ARFGEF3: variants seen among roughly 807,000 people sequenced by gnomAD.
The protein encoded by ARFGEF3 is ARFGEF family member 3, also known as brefeldin A-inhibited guanine nucleotide-exchange protein 3.
A neutral mutation model predicts 221.7 loss-of-function variants in ARFGEF3; 96 were observed. The ratio of observed to expected loss-of-function variants is 0.43; its 90% CI spans 0.37 to 0.51. ARFGEF3 has a LOEUF of 0.51. ARFGEF3 is among the 20% of genes least tolerant of loss of function. The pLI is 0.00. For missense variants in ARFGEF3, 2,410 were observed against 2,789.9 expected (o/e 0.86, Z 3.07); for synonymous variants, 1,145 against 1,126.8 (o/e 1.02, Z -0.32).
intron 2 of ARFGEF3, among the ~76,000 whole-genome samples, chr6:138,182,936 A>G (rs180890491): frequency 1.3e-5 from 2 of 152,346 alleles, no homozygotes; most frequent in East Asian, 1.9e-4. Flanking sequence ...GAATTGTTCT[A>G]TGTAAAATAA....
chr6:138,305,258 A>G lies in ARFGEF3; in HGVS notation c.3829-1995A>G, dbSNP rs189123932. On this transcript the variant is annotated intron_variant, in intron 22 of 33. Transcript: ENST00000251691. ...GTGATACCAAAGTCTCAAGAAGGAA[A>G]ACTATAGACCAATATTCTTTATGAA... is the stretch of plus-strand genomic sequence containing the variant. Among the ~76,000 whole-genome samples the G allele has an allele frequency of 2.3e-3, 347 of 152,038 alleles. 1 individual carries two copies. Among genetic ancestry groups the G allele is most frequent in the Non-Finnish European group, 1.5e-3 (101 of 67,992 alleles).
Position 138,334,797 on chromosome 6 carries a change from G to A in ARFGEF3, c.5951G>A (p.Gly1984Glu). 1 of 1,605,034 alleles carries A rather than the reference G, an allele frequency of 6.2e-7. No individual in the cohort carries two copies. Among genetic ancestry groups the A allele is most frequent in the East Asian group, 2.3e-5 (1 of 44,372 alleles). Reference sequence around the variant, plus strand: ...TCCCTGAGCCTGAAGGCCGGTGGTGGGGACCTGCTGCTGCCCCCCAGCCCC... The same window carrying A: ...TCCCTGAGCCTGAAGGCCGGTGGTGAGGACCTGCTGCTGCCCCCCAGCCCC... Reference protein sequence around the residue: ...GESLSLKAGGGDLLLPPSPKV... With the variant: ...GESLSLKAGGEDLLLPPSPKV... The change falls in exon 33 of 34, where the codon GGG (glycine) becomes GAG (glutamate). Residue 1984 changes from glycine to glutamate, a missense_variant. Coordinates refer to ENST00000251691, the MANE Select transcript of ARFGEF3 (RefSeq NM_020340.5). This position sits in a 1 kb window ranked among gnomAD's most constrained non-coding sequence, Gnocchi z 5.1.
At chr6:138,295,401 C>A (rs1048155821) in intron 20 of ARFGEF3, among the ~76,000 whole-genome samples, 3 of 151,848 alleles carry the variant, frequency 2.0e-5, no homozygotes, top group Non-Finnish European at 4.4e-5. Context: ...GGGCAGATCA[C>A]CTGAGGTCAG....
chr6:138,291,831 G>T lies in ARFGEF3; in HGVS notation c.3146G>T (p.Ser1049Ile). ...AGCCAGCCCCAGAAGGCCACTGGAA[G>T]CGCTGGCCTCCTTGGGGACCCCGAG... Reference protein sequence around the residue: ...TISQPQKATGSAGLLGDPECE... With the variant: ...TISQPQKATGIAGLLGDPECE... Residue 1049 changes from serine (S) to isoleucine (I), a missense_variant, in exon 19 of 34, where the codon AGC (serine) becomes ATC (isoleucine). Physicochemically the swap from Ser to Ile is moderately radical, Grantham distance 142 (BLOSUM62 -2). This residue lies in a region of ARFGEF3 where 184 missense variants were observed against 141.8 expected (regional missense o/e 1.30). Coordinates refer to ENST00000251691, the MANE Select transcript of ARFGEF3 (RefSeq NM_020340.5). This position sits in a 1 kb window ranked among gnomAD's most constrained non-coding sequence, Gnocchi z 4.5. 6.7e-7 allele frequency: 1 copy of T among 1,500,332 alleles called. No homozygotes were observed. Among genetic ancestry groups the T allele is most frequent in the Admixed American group, 2.2e-5 (1 of 46,060 alleles). 92.9% of individuals were successfully genotyped at this position (1,500,332 alleles called of 1,614,324 possible). A position where few individuals can be genotyped will look rare whatever the true frequency, so the allele number is the denominator to read the frequency against.
At chr6:138,328,601 G>T (rs1316796934) in intron 32 of ARFGEF3, among the ~76,000 whole-genome samples, 1 of 151,980 alleles carries the variant, frequency 6.6e-6, no homozygotes, top group African/African-American at 2.4e-5. Context: ...CCTCTTAAAA[G>T]ACCTCTTCTC....
intron 2 of ARFGEF3, 134 bp downstream of exon 2, chr6:138,170,847 A>G (rs944839233): frequency 8.8e-6 from 5 of 571,338 alleles, no homozygotes; most frequent in Non-Finnish European, 1.2e-5. Flanking sequence ...TGGGTGATTT[A>G]TAATGAACAG....
intron 2 of ARFGEF3, among the ~76,000 whole-genome samples, chr6:138,185,240 A>G (rs889354638): frequency 3.9e-5 from 6 of 152,210 alleles, no homozygotes; most frequent in African/African-American, 7.2e-5. Context: ...CAGCTGTGAA[A>G]GGAGCCAGCC....
rs1780334509 is a variant in ARFGEF3 at position 138,336,778 on chromosome 6, T to TTACAGTGTTGTCCCCAA, written c.*293_*309dup. On this transcript the variant is annotated 3_prime_UTR_variant, in exon 34 of 34. Coordinates refer to ENST00000251691, the MANE Select transcript of ARFGEF3 (RefSeq NM_020340.5). Reference sequence around the variant, plus strand: ...GAAGTATATTTCCCAGTGCTTTTGCTTACAGTGTTGTCCCCAAATGGGTCA... The same window carrying TTACAGTGTTGTCCCCAA: ...GAAGTATATTTCCCAGTGCTTTTGCTTACAGTGTTGTCCCCAATACAGTGTTGTCCCCAAATGGGTCA... 1 of 215,258 alleles carries TTACAGTGTTGTCCCCAA rather than the reference T, an allele frequency of 4.6e-6. No individual in the cohort carries two copies. The highest frequency in any genetic ancestry group is 1.7e-4 in the South Asian group (1 of 6,008). The allele number at this position is 215,258 out of a possible 1,614,324, so 13.3% of individuals were successfully genotyped here.
At chr6:138,244,795 A>T (rs1778455301) in intron 7 of ARFGEF3, among the ~76,000 whole-genome samples, 2 of 152,154 alleles carry the variant, frequency 1.3e-5, no homozygotes, top group South Asian at 4.1e-4. Context: ...TCTCTCTGTG[A>T]TACCATTCTA....
chr6:138,255,713 G>T lies in ARFGEF3; in HGVS notation c.1048G>T (p.Val350Leu), dbSNP rs1259189658. ...KPVLQSLYHR[V>L]LLYPPPQHRV... ...CGTGCTCCAGTCCCTCTACCACCGA[G>T]TGCTGCTCTACCCCCCACCCCAGCA... Residue 350 changes from valine (V) to leucine (L), a missense_variant, in exon 10 of 34, where the codon GTG becomes TTG. Physicochemically the swap from Val to Leu is conservative, Grantham distance 32 (BLOSUM62 1). Coordinates refer to ENST00000251691, the MANE Select transcript of ARFGEF3 (RefSeq NM_020340.5). 1.2e-6 allele frequency: 2 copies of T among 1,610,122 alleles called. No homozygotes were observed.
chr6:138,255,934 A>G (rs1457317962), intron 10 of ARFGEF3, among the ~76,000 whole-genome samples, 165 bp downstream of exon 10: 1 of 152,124 alleles, frequency 6.6e-6, no homozygotes, highest in East Asian at 1.9e-4. Context: ...GCGTGTGTAC[A>G]TGTATTGCGA....
intron 12 of ARFGEF3, among the ~76,000 whole-genome samples, chr6:138,276,759 G>A (rs1316391789): frequency 6.6e-6 from 1 of 151,958 alleles, no homozygotes; most frequent in Non-Finnish European, 1.5e-5. Context: ...TCCGCCTCCC[G>A]GGTTCCAGCA....
chr6:138,278,542 C>T lies in ARFGEF3; in HGVS notation c.2220C>T (p.Cys740=), dbSNP rs746991783. Residue 740 remains cysteine (C), a synonymous_variant, in exon 13 of 34, where the codon TGC becomes TGT. Coordinates refer to ENST00000251691, the MANE Select transcript of ARFGEF3 (RefSeq NM_020340.5). The stretch of plus-strand genomic sequence containing the variant: ...ACAGCCTCTACACAGCTGCACACTG[C>T]GCCCTGCTCCTCAACCTGAAGCTCT... ...NADSLYTAAH[C]ALLLNLKLSH... 34 of 1,613,822 alleles carry T rather than the reference C, an allele frequency of 2.1e-5. No individual in the cohort carries two copies. In the Middle Eastern group the frequency reaches 4.9e-4, roughly 23 times the overall value.
chr6:138,256,173 T>C (rs368470760), intron 10 of ARFGEF3, among the ~76,000 whole-genome samples: 1 of 152,206 alleles, frequency 6.6e-6, no homozygotes, highest in Non-Finnish European at 1.5e-5. Context: ...AAAAGAGCTC[T>C]GCCAGTCTCT....
intron 2 of ARFGEF3, among the ~76,000 whole-genome samples, chr6:138,186,254 A>G (rs1040128596): frequency 1.1e-4 from 17 of 152,328 alleles, no homozygotes; most frequent in African/African-American, 4.1e-4. Context: ...TGTGACTTAC[A>G]AATACATTCA....
intron 5 of ARFGEF3, among the ~76,000 whole-genome samples, chr6:138,232,384 A>C (rs1778209344): frequency 6.6e-6 from 1 of 152,170 alleles, no homozygotes; most frequent in South Asian, 2.1e-4. Context: ...GCATGCCTGT[A>C]ATCCCAGCTA....
At chr6:138,241,024 A>G (rs1778386307) in intron 6 of ARFGEF3, among the ~76,000 whole-genome samples, 1 of 152,208 alleles carries the variant, frequency 6.6e-6, no homozygotes, top group African/African-American at 2.4e-5. Flanking sequence ...GTCATGTAAC[A>G]CCCTCTTCCG....
rs370057198 is a variant in ARFGEF3, at chr6:138,250,185, T to G, written c.666-3695T>G. Among the ~76,000 whole-genome samples the G allele has an allele frequency of 3.3e-5, 5 of 152,314 alleles. No individual in the cohort carries two copies. In the East Asian group the frequency reaches 9.6e-4, roughly 29 times the overall value. ...TTAGGGCTTTAGCTCTGTAGGGGTG[T>G]GTGTTCATGATATGCTTGGACTCTT... On this transcript the variant is annotated intron_variant, in intron 8 of 33. Coordinates refer to ENST00000251691, the MANE Select transcript of ARFGEF3 (RefSeq NM_020340.5).
intron 24 of ARFGEF3, among the ~76,000 whole-genome samples, chr6:138,311,188 A>T (rs1362267786): frequency 6.6e-6 from 1 of 152,236 alleles, no homozygotes; most frequent in Non-Finnish European, 1.5e-5. Flanking sequence ...TAGGAAAGGT[A>T]TGGTCCCAAC....
Sources: gnomAD v4.1 joint callset for allele counts (sites outside exome capture counted in the v4.1 genomes callset) on GRCh38, gnomAD v4.1.1 for gene constraint, gnomAD v4.1.1 regional missense constraint, Gnocchi (gnomAD v3.1) non-coding constraint, MANE v1.5 for transcripts, NCBI Gene and HGNC (gene_info 2026-07-23, HGNC 2026-07-21) for gene names.